Variants in ARHGEF10 observed in about 807,000 individuals in gnomAD.
ARHGEF10 encodes the protein Rho guanine nucleotide exchange factor 10, also known as Rho guanine nucleotide exchange factor (GEF) 10.
ARHGEF10 carries 140 observed loss-of-function variants against 147.4 expected under a neutral mutation model. The ratio of observed to expected loss-of-function variants is 0.95; its 90% CI spans 0.83 to 1.09. ARHGEF10 has a LOEUF of 1.09. Ranked by LOEUF, ARHGEF10 falls within the 50% of genes least tolerant of loss-of-function variation. ARHGEF10 has a pLI of 0.00. For missense variants in ARHGEF10, 2,222 were observed against 1,752.7 expected (o/e 1.27, Z -4.78); for synonymous variants, 902 against 695.8 (o/e 1.30, Z -4.67).
intron 15 of ARHGEF10, among the ~76,000 whole-genome samples, chr8:1,899,713 G>A (rs766915040): frequency 6.6e-6 from 1 of 152,152 alleles, no homozygotes; most frequent in Non-Finnish European, 1.5e-5. Context: ...TTTTTCCCAA[G>A]ATCAAAATAT....
intron 24 of ARHGEF10, 146 bp downstream of exon 24, chr8:1,928,796 G>T: frequency 2.4e-6 from 2 of 848,670 alleles, no homozygotes; most frequent in South Asian, 2.9e-5. Flanking sequence ...AATTTTTAGG[G>T]TCATTGCACT....
At chr8:1,887,765 G>A (rs1331980552) in intron 11 of ARHGEF10, among the ~76,000 whole-genome samples, 4 of 92,154 alleles carry the variant, frequency 4.3e-5, no homozygotes, top group African/African-American at 6.9e-5. Flanking sequence ...ACGGAGTGGG[G>A]TGAGGGTTGT....
In ARHGEF10 at chr8:1,843,373, G is replaced by A. The variant is rs779622901; in HGVS notation, c.-27G>A. ...TGCAGGAGCTCCTTCCCTTAACAGA[G>A]CTGAGAGAGGCATCTGGAGCTGCAG... On this transcript the variant is annotated 5_prime_UTR_variant, in exon 2 of 29. Coordinates refer to ENST00000349830, the MANE Select transcript of ARHGEF10 (RefSeq NM_014629.4). 2 of 1,612,718 alleles carry A rather than the reference G, an allele frequency of 1.2e-6. No homozygotes were observed. Among genetic ancestry groups the A allele is most frequent in the Non-Finnish European group, 8.5e-7 (1 of 1,179,982 alleles).
At chr8:1,838,441 C>T in intron 1 of ARHGEF10, among the ~76,000 whole-genome samples, 1 of 152,268 alleles carries the variant, frequency 6.6e-6, no homozygotes, top group East Asian at 1.9e-4. Flanking sequence ...CACCCGGCAC[C>T]CGCCCAGCCT....
chr8:1,905,309 A>G (rs896975026), intron 16 of ARHGEF10, among the ~76,000 whole-genome samples: 2 of 152,346 alleles, frequency 1.3e-5, no homozygotes, highest in African/African-American at 4.8e-5. Context: ...ACTTGGGGAA[A>G]AGTAAAATTA....
chr8:1,848,456 G>T (rs1804724077), intron 2 of ARHGEF10, among the ~76,000 whole-genome samples: 1 of 151,626 alleles, frequency 6.6e-6, no homozygotes, highest in Non-Finnish European at 1.5e-5. Context: ...TTTGTCCGGG[G>T]GCTTCAGAAT....
intron 26 of ARHGEF10, among the ~76,000 whole-genome samples, chr8:1,939,232 C>T (rs573486800): frequency 1.3e-5 from 2 of 152,238 alleles, no homozygotes; most frequent in South Asian, 4.1e-4. Context: ...TTCTTATTTT[C>T]GAGAACCAAG....
chr8:1,929,385 T>G lies in ARHGEF10; in HGVS notation c.3021T>G (p.Ser1007=). Residue 1007 remains serine, a synonymous_variant, in exon 25 of 29, where the codon TCT becomes TCG. Transcript: ENST00000349830. ...CAGTCATGAGCCTGGCTTGCACGTC[T>G]CAGAGCCTGTACGCTGGCCTGGTCA... ...KSTVMSLACT[S]QSLYAGLVNG... 2.5e-6 allele frequency: 4 copies of G among 1,613,522 alleles called. No homozygotes were observed. Among genetic ancestry groups the G allele is most frequent in the Non-Finnish European group, 3.4e-6 (4 of 1,180,028 alleles).
chr8:1,929,470 C>G, intron 25 of ARHGEF10, 27 bp downstream of exon 25: 13 of 1,588,916 alleles, frequency 8.2e-6, no homozygotes, highest in Non-Finnish European at 1.1e-5. Flanking sequence ...GGCCTCCTGG[C>G]CGGTCCTTGG....
At chr8:1,885,408 T>C (rs1183754287) in intron 10 of ARHGEF10, among the ~76,000 whole-genome samples, 193 bp from the exon 11 acceptor site, 6 of 152,186 alleles carry the variant, frequency 3.9e-5, no homozygotes, top group Admixed American at 2.6e-4. Flanking sequence ...CAGACAAATA[T>C]TGTATTACCC....
chr8:1,923,559 G>A lies in ARHGEF10; in HGVS notation c.2351G>A (p.Cys784Tyr). 1.2e-6 allele frequency: 2 copies of A among 1,614,116 alleles called. No individual in the cohort carries two copies. Among genetic ancestry groups the A allele is most frequent in the South Asian group, 2.2e-5 (2 of 91,078 alleles). Reference protein sequence around the residue: ...KEDEIRAADCCRIQLQLPGKQ... With the variant: ...KEDEIRAADCYRIQLQLPGKQ... ...GATGAAATCAGAGCTGCGGACTGCT[G>A]CAGAATTCAGTTACAGCTTCCCGGG... Residue 784 changes from cysteine (C) to tyrosine (Y), a missense_variant, in exon 20 of 29, where the codon TGC becomes TAC. Transcript: ENST00000349830.
At chr8:1,858,159 C>CCCATGTGAGTCA in intron 3 of ARHGEF10, 44 bp downstream of exon 3, 1 of 1,568,912 alleles carries the variant, frequency 6.4e-7, no homozygotes, top group Non-Finnish European at 8.7e-7. Flanking sequence ...CAGGTGGGTC[C>CCCATGTGAGTCA]CCAGGTGAGT....
intron 12 of ARHGEF10, 79 bp downstream of exon 12, chr8:1,893,725 A>G: frequency 8.7e-7 from 1 of 1,152,240 alleles, no homozygotes; most frequent in Non-Finnish European, 1.3e-6. Flanking sequence ...CCATAAATGC[A>G]AAGCATATAT....
intron 7 of ARHGEF10, 133 bp from the exon 8 acceptor site, chr8:1,876,438 G>T (rs554283333): frequency 3.1e-6 from 3 of 968,150 alleles, no homozygotes; most frequent in Admixed American, 1.9e-5. Flanking sequence ...CCGGGGCTCC[G>T]CAGGGTCCTC....
intron 18 of ARHGEF10, among the ~76,000 whole-genome samples, chr8:1,909,862 G>T (rs1406168472): frequency 6.6e-6 from 1 of 152,174 alleles, no homozygotes; most frequent in Non-Finnish European, 1.5e-5. Context: ...GGTGGTTCCA[G>T]CTCGGCTCTT....
chr8:1,906,912 G>A (rs1214996006), intron 17 of ARHGEF10, among the ~76,000 whole-genome samples: 2 of 152,174 alleles, frequency 1.3e-5, no homozygotes, highest in African/African-American at 4.8e-5. Context: ...AAAAATATGT[G>A]AGTCTTTAAT....
At position 1,952,698 on chromosome 8, in the gene ARHGEF10, C is replaced by G. The variant is rs184752821; in HGVS notation, c.3398-7C>G. 1 of 1,613,370 alleles carries G rather than the reference C, an allele frequency of 6.2e-7. No homozygotes were observed. Among genetic ancestry groups the G allele is most frequent in the Non-Finnish European group, 8.5e-7 (1 of 1,180,048 alleles). ...AGACCCGAAGCCACTCATGTCTTTC[C>G]GCCCAGGGCACCAGCGGCTGTCGGT... On this transcript the variant is annotated splice_polypyrimidine_tract_variant and splice_region_variant and intron_variant, in intron 27 of 28. Transcript: ENST00000349830.
intron 26 of ARHGEF10, among the ~76,000 whole-genome samples, chr8:1,941,062 C>G (rs985403304): frequency 1.3e-4 from 20 of 152,168 alleles, no homozygotes; most frequent in African/African-American, 4.8e-4. Flanking sequence ...AGATCAAGAA[C>G]AAGACAAAGA....
intron 7 of ARHGEF10, among the ~76,000 whole-genome samples, chr8:1,874,040 C>T (rs140322081): frequency 1.3e-5 from 2 of 152,290 alleles, no homozygotes; most frequent in African/African-American, 2.4e-5. Context: ...AAGTCGATGG[C>T]GCTGCCTGGT....
Sources: allele counts gnomAD v4.1 joint callset (sites outside exome capture counted in the v4.1 genomes callset), GRCh38; gene constraint gnomAD v4.1.1; transcripts MANE v1.5; gene names NCBI Gene and HGNC (gene_info 2026-07-23, HGNC 2026-07-21).